Variants in NRG3 observed in about 807,000 individuals in gnomAD.
NRG3 encodes the protein neuregulin 3.
NRG3 carries 31 observed loss-of-function variants against 66.9 expected under a neutral mutation model. That is an observed-to-expected ratio of 0.46 (90% confidence interval 0.35 to 0.63). The LOEUF (loss-of-function observed/expected upper bound fraction) is 0.63. NRG3 is among the 20% of genes least tolerant of loss of function. NRG3 has a pLI of 0.00. For missense variants in NRG3, 910 were observed against 878.9 expected (o/e 1.04, Z -0.45); for synonymous variants, 393 against 359.4 (o/e 1.09, Z -1.06).
At chr10:82,738,745 C>A (rs750160180) in intron 3 of NRG3, 95 bp downstream of exon 3, 5 of 1,086,380 alleles carry the variant, frequency 4.6e-6, no homozygotes, top group Non-Finnish European at 7.0e-6. Flanking sequence ...ATATTTCAGT[C>A]TTGTGTCTCT....
chr10:82,904,476 T>C (rs1358225772), intron 4 of NRG3, among the ~76,000 whole-genome samples: 1 of 152,024 alleles, frequency 6.6e-6, no homozygotes, highest in African/African-American at 2.4e-5. Context: ...AAAGGGAGCT[T>C]GGTGGGGAAG....
chr10:82,401,969 A>G (rs983234171), intron 2 of NRG3, among the ~76,000 whole-genome samples: 13 of 152,250 alleles, frequency 8.5e-5, no homozygotes, highest in African/African-American at 2.9e-4. Flanking sequence ...TTTATATGCA[A>G]TAAAATTAGT....
At chr10:82,632,160 C>T (rs2049888548) in intron 2 of NRG3, among the ~76,000 whole-genome samples, 1 of 152,150 alleles carries the variant, frequency 6.6e-6, no homozygotes, top group Admixed American at 6.6e-5. Context: ...TTCCCAGACT[C>T]AGCTATTGAT....
intron 2 of NRG3, among the ~76,000 whole-genome samples, chr10:82,658,711 AC>A (rs2052073145): frequency 6.6e-6 from 1 of 152,046 alleles, no homozygotes; most frequent in Non-Finnish European, 1.5e-5. Context: ...ATAGTTAGAA[AC>A]TTTTTGGGTG....
chr10:82,548,564 C>T (rs1291301728), intron 2 of NRG3, among the ~76,000 whole-genome samples: 1 of 151,522 alleles, frequency 6.6e-6, no homozygotes, highest in Non-Finnish European at 1.5e-5. Context: ...CACACACGCA[C>T]ACGCACAATC....
chr10:81,875,454 G>A lies in NRG3; in HGVS notation c.114G>A (p.Pro38=). The A allele has an allele frequency of 3.3e-6, 4 of 1,228,778 alleles. No individual in the cohort carries two copies. Among genetic ancestry groups the A allele is most frequent in the Non-Finnish European group, 4.1e-6 (4 of 985,228 alleles). 76.1% of individuals were successfully genotyped at this position (1,228,778 alleles called of 1,614,324 possible). A position where few individuals can be genotyped will look rare whatever the true frequency, so the allele number is the denominator to read the frequency against. Residue 38 remains proline (P), a synonymous_variant, in exon 1 of 9, where the codon CCG becomes CCA. Coordinates refer to ENST00000372141, the MANE Select transcript of NRG3 (RefSeq NM_001010848.4). This position sits in a 1 kb window ranked among gnomAD's most constrained non-coding sequence, Gnocchi z 5.3. ...AAAAAAAGGG[P]DGGGEGAAEP... is the part of the protein sequence containing the mutation. ...CGGCGGCAGCGGCGGGCGGGGGCCC[G>A]GACGGCGGCGGCGAAGGGGCGGCCG... is the stretch of plus-strand genomic sequence containing the variant.
At chr10:82,801,228 A>G (rs76554989) in intron 3 of NRG3, among the ~76,000 whole-genome samples, 1,984 of 152,294 alleles carry the variant, frequency 0.013, 46 homozygotes, top group African/African-American at 0.046. Context: ...TATCCATATC[A>G]GTCCAACCAC....
intron 1 of NRG3, among the ~76,000 whole-genome samples, chr10:81,894,906 C>T (rs539125052): frequency 6.6e-6 from 1 of 152,256 alleles, no homozygotes; most frequent in East Asian, 1.9e-4. Context: ...CCATGGAAAC[C>T]CAGTGCATGC....
chr10:82,711,555 G>A (rs1283892450), intron 2 of NRG3, among the ~76,000 whole-genome samples: 1 of 151,880 alleles, frequency 6.6e-6, no homozygotes, highest in Non-Finnish European at 1.5e-5. Context: ...GTGTGTGTGT[G>A]TGTGTGTGTG....
intron 3 of NRG3, among the ~76,000 whole-genome samples, chr10:82,768,633 G>C (rs1210978673): frequency 6.6e-6 from 1 of 151,984 alleles, no homozygotes; most frequent in Non-Finnish European, 1.5e-5. Context: ...CTGGCTTTCT[G>C]TATGCAGTAT....
chr10:82,838,861 T>C (rs2062911171), intron 3 of NRG3, among the ~76,000 whole-genome samples: 1 of 152,140 alleles, frequency 6.6e-6, no homozygotes, highest in Non-Finnish European at 1.5e-5. Flanking sequence ...GAAGAAGGTT[T>C]AATGGACTCA....
chr10:82,239,431 C>T (rs965139739), intron 1 of NRG3, among the ~76,000 whole-genome samples: 2 of 152,146 alleles, frequency 1.3e-5, no homozygotes, highest in African/African-American at 4.8e-5. Flanking sequence ...GCTGGGATTA[C>T]AGGCATGAGC....
intron 2 of NRG3, among the ~76,000 whole-genome samples, chr10:82,723,538 C>A (rs2057422757): frequency 6.6e-6 from 1 of 151,792 alleles, no homozygotes; most frequent in Non-Finnish European, 1.5e-5. Context: ...AACGTAAATT[C>A]ATGTTGAAAT....
intron 1 of NRG3, among the ~76,000 whole-genome samples, chr10:82,060,097 C>T (rs12354456): frequency 0.25 from 37,319 of 152,052 alleles, 4,708 homozygotes; most frequent in Middle Eastern, 0.33. Context: ...ATCTGACTCC[C>T]CCACACAGGA....
intron 1 of NRG3, among the ~76,000 whole-genome samples, chr10:82,251,782 C>G (rs957893523): frequency 1.3e-5 from 2 of 152,186 alleles, no homozygotes; most frequent in Non-Finnish European, 2.9e-5. Context: ...CAGAGCAGCA[C>G]TGACACTAAA....
chr10:82,664,482 G>T (rs1332240298), intron 2 of NRG3, among the ~76,000 whole-genome samples: 1 of 152,154 alleles, frequency 6.6e-6, no homozygotes, highest in Non-Finnish European at 1.5e-5. Flanking sequence ...TTAATAGGAA[G>T]ATTGGTTTCA....
At chr10:82,808,336 G>A (rs2061366907) in intron 3 of NRG3, among the ~76,000 whole-genome samples, 1 of 151,948 alleles carries the variant, frequency 6.6e-6, no homozygotes, top group East Asian at 1.9e-4. Context: ...ATGATACATT[G>A]AGATCATTTT....
intron 3 of NRG3, among the ~76,000 whole-genome samples, chr10:82,816,862 A>T (rs375418509): frequency 6.6e-6 from 1 of 152,230 alleles, no homozygotes. Context: ...AGCTCTGGAC[A>T]TTAGATACAC....
intron 1 of NRG3, among the ~76,000 whole-genome samples, chr10:82,284,890 T>G (rs1432818763): frequency 6.6e-6 from 1 of 152,166 alleles, no homozygotes; most frequent in Non-Finnish European, 1.5e-5. Context: ...CTGTATGCAT[T>G]TTTCTTTCCT....
Sources: gnomAD v4.1 joint callset for allele counts (sites outside exome capture counted in the v4.1 genomes callset) on GRCh38, gnomAD v4.1.1 for gene constraint, Gnocchi (gnomAD v3.1) non-coding constraint, MANE v1.5 for transcripts, NCBI Gene and HGNC (gene_info 2026-07-23, HGNC 2026-07-21) for gene names.